The following TNR variants were observed in gnomAD, a reference collection of about 807,000 sequenced individuals.
The protein encoded by TNR is tenascin-R.
Under a neutral mutation model 150.4 loss-of-function variants are expected in TNR, and 45 were observed. The ratio of observed to expected loss-of-function variants is 0.30; its 90% confidence interval spans 0.24 to 0.38. The LOEUF (loss-of-function observed/expected upper bound fraction) is 0.38, where lower values mean the gene tolerates loss of function less well. Among genes scored for constraint, TNR ranks in the 10% least tolerant of loss-of-function variants. The pLI is 1.00. For synonymous variants in TNR, 687 were observed against 678.4 expected (o/e 1.01, Z -0.20); for missense variants, 1,544 against 1,759.1 (o/e 0.88, Z 2.19).
chr1:175,483,906 A>G (rs1289621824), intron 2 of TNR, among the ~76,000 whole-genome samples: 1 of 152,118 alleles, frequency 6.6e-6, no homozygotes, highest in Non-Finnish European at 1.5e-5. Flanking sequence ...ACACACACAC[A>G]TGACTGTCTT....
In TNR at chr1:175,323,432, G is replaced by C; in HGVS notation, c.4002C>G (p.Pro1334=). Residue 1334 remains proline (P), a synonymous_variant, in exon 23 of 23, where the codon CCC becomes CCG. Transcript: ENST00000367674. ...YHWKGHEFSI[P]FVEMKMRPYN... is the part of the protein sequence containing the mutation. Reference sequence around the variant, plus strand: ...AGGGGCGCATCTTCATTTCCACAAAGGGGATGGAGAACTCATGGCCTTTCC... The same window carrying C: ...AGGGGCGCATCTTCATTTCCACAAACGGGATGGAGAACTCATGGCCTTTCC... The C allele has an allele frequency of 6.2e-7, 1 of 1,614,118 alleles. No individual in the cohort carries two copies. Among genetic ancestry groups the C allele is most frequent in the Admixed American group, 1.7e-5 (1 of 60,018 alleles).
intron 1 of TNR, among the ~76,000 whole-genome samples, chr1:175,534,050 C>T (rs1233874184): frequency 6.6e-6 from 1 of 152,284 alleles, no homozygotes; most frequent in Middle Eastern, 3.4e-3. Flanking sequence ...TTAAATGTTG[C>T]CATAATGATA....
chr1:175,505,479 A>T (rs1658925640), intron 2 of TNR, among the ~76,000 whole-genome samples: 1 of 152,182 alleles, frequency 6.6e-6, no homozygotes. Context: ...AACCCGCCTC[A>T]CTACACCTAT....
rs775043609 is a variant in TNR at position 175,355,517 on chromosome 1, C to T, written c.3235G>A (p.Asp1079Asn). 14 of 1,613,752 alleles carry T rather than the reference C, an allele frequency of 8.7e-6. No individual in the cohort carries two copies. In the African/African-American group the frequency reaches 9.3e-5, roughly 11 times the overall value. The change falls in exon 17 of 23, where the codon GAT (aspartate) becomes AAT (asparagine). Residue 1079 changes from aspartate to asparagine, a missense_variant. Asp to Asn is a conservative substitution (Grantham distance 23). Coordinates refer to ENST00000367674, the MANE Select transcript of TNR (RefSeq NM_003285.3). Reference protein sequence around the residue: ...ENYVLTYKSTDGSRKELIVDA... With the variant: ...ENYVLTYKSTNGSRKELIVDA... ...CAAAATCTCACCTTGCGGCTTCCATCGGTGGATTTGTAGGTCAAGACATAA... is the reference window on the plus strand; with the variant it reads ...CAAAATCTCACCTTGCGGCTTCCATTGGTGGATTTGTAGGTCAAGACATAA...
intron 2 of TNR, among the ~76,000 whole-genome samples, chr1:175,452,703 T>A (rs1656381078): frequency 6.6e-6 from 1 of 151,996 alleles, no homozygotes; most frequent in Admixed American, 6.5e-5. Context: ...TGTAAGGGAG[T>A]AAAGAGTGAC....
intron 1 of TNR, among the ~76,000 whole-genome samples, chr1:175,705,591 GTA>G (rs1257718510): frequency 1.3e-5 from 2 of 152,058 alleles, no homozygotes; most frequent in East Asian, 1.9e-4. Context: ...ATGTATGTGT[GTA>G]TGTGTGTGTG....
chr1:175,406,193 C>T (rs530365666), intron 3 of TNR, 23 bp downstream of exon 3: 24 of 1,604,482 alleles, frequency 1.5e-5, no homozygotes, highest in Admixed American at 1.2e-4. Flanking sequence ...CCTGAGACCA[C>T]GCTGCGAGCT....
rs1464419575 is a variant in TNR at position 175,657,883 on chromosome 1, A to ATATATATATATATATATATATATG, written c.-165+85342_-165+85343insCATATATATATATATATATATATA. Among the ~76,000 whole-genome samples the ATATATATATATATATATATATATG allele has an allele frequency of 9.8e-4, 99 of 101,114 alleles. 6 individuals are homozygous for ATATATATATATATATATATATATG. The highest frequency in any genetic ancestry group is 1.5e-3 in the Non-Finnish European group (73 of 48,754). 66.3% of individuals were successfully genotyped at this position (101,114 alleles called of 152,430 possible). A position where few individuals can be genotyped will look rare whatever the true frequency, so the allele number is the denominator to read the frequency against. Reference sequence around the variant, plus strand: ...TATATATATATATATATATATATATATGTAACAAACCTGCACGTTGTGCAC... The same window carrying ATATATATATATATATATATATATG: ...TATATATATATATATATATATATATATATATATATATATATATATATATGTGTAACAAACCTGCACGTTGTGCAC... On this transcript the variant is annotated intron_variant, in intron 1 of 22. Coordinates refer to ENST00000367674, the MANE Select transcript of TNR (RefSeq NM_003285.3).
Position 175,646,469 on chromosome 1 carries a change from C to G in TNR, c.-165+96757G>C, listed in dbSNP as rs562173210. Among the ~76,000 whole-genome samples, 22 of 152,308 alleles carry G rather than the reference C, an allele frequency of 1.4e-4. No individual in the cohort carries two copies. In the South Asian group the frequency reaches 4.4e-3, roughly 30 times the overall value. On this transcript the variant is annotated intron_variant, in intron 1 of 22. Coordinates refer to ENST00000367674, the MANE Select transcript of TNR (RefSeq NM_003285.3). ...AAGCTTCATAAAGCTTCCAGCTTTACCATTAGAGACTCCCTCTTGTAGGCT... is the reference window on the plus strand; with the variant it reads ...AAGCTTCATAAAGCTTCCAGCTTTAGCATTAGAGACTCCCTCTTGTAGGCT...
At chr1:175,359,134 A>ATTTTTTTTTTTTTTT (rs1557883623) in intron 15 of TNR, among the ~76,000 whole-genome samples, 2 of 34,096 alleles carry the variant, frequency 5.9e-5, no homozygotes, top group Non-Finnish European at 1.4e-4. Context: ...GTTTGGGGAT[A>ATTTTTTTTTTTTTTT]TCTTCTTTTT....
At chr1:175,499,156 G>A (rs1658618009) in intron 2 of TNR, among the ~76,000 whole-genome samples, 1 of 152,164 alleles carries the variant, frequency 6.6e-6, no homozygotes, top group South Asian at 2.1e-4. Context: ...TTTATTGTCA[G>A]CTCTTCCTTT....
chr1:175,486,150 G>A lies in TNR; in HGVS notation c.-64+42119C>T, dbSNP rs577905546. On this transcript the variant is annotated intron_variant, in intron 2 of 22. Transcript: ENST00000367674. ...TTTTTTTTTTTAGATTATACTTTAAGTTCTGGGATACATGTGCAGAATGTG... is the reference window on the plus strand; with the variant it reads ...TTTTTTTTTTTAGATTATACTTTAAATTCTGGGATACATGTGCAGAATGTG... 3.3e-5 allele frequency among the ~76,000 whole-genome samples: 5 copies of A among 150,340 alleles called. No homozygotes were observed. The South Asian group carries it at 8.4e-4, about 25-fold the overall frequency.
At position 175,693,848 on chromosome 1, in the gene TNR, T is replaced by C. The variant is rs147822400; in HGVS notation, c.-165+49378A>G. 3.2e-4 allele frequency among the ~76,000 whole-genome samples: 48 copies of C among 152,348 alleles called. No homozygotes were observed. The East Asian group carries it at 8.9e-3, about 28-fold the overall frequency. On this transcript the variant is annotated intron_variant, in intron 1 of 22. Coordinates refer to ENST00000367674, the MANE Select transcript of TNR (RefSeq NM_003285.3). ...TGATGAGCAATAACTTTCTGTACAA[T>C]AAAATCATGGACCATGCTGAAGTAC...
intron 1 of TNR, among the ~76,000 whole-genome samples, chr1:175,569,601 C>G (rs1274096586): frequency 2.0e-5 from 3 of 152,216 alleles, no homozygotes; most frequent in Non-Finnish European, 2.9e-5. Flanking sequence ...GACCGGTACT[C>G]ATAGAACTGT....
At chr1:175,719,784 C>G (rs2101943104) in intron 1 of TNR, among the ~76,000 whole-genome samples, 1 of 152,268 alleles carries the variant, frequency 6.6e-6, no homozygotes, top group East Asian at 1.9e-4. Context: ...TACCTGCTGT[C>G]CCTTCCCTAC....
intron 1 of TNR, among the ~76,000 whole-genome samples, chr1:175,604,275 C>A (rs1663344655): frequency 6.6e-6 from 1 of 152,156 alleles, no homozygotes; most frequent in Non-Finnish European, 1.5e-5. Flanking sequence ...GGCCAGTGTT[C>A]AGGTGCAGTT....
At chr1:175,694,885 C>G (rs1471728890) in intron 1 of TNR, among the ~76,000 whole-genome samples, 1 of 152,208 alleles carries the variant, frequency 6.6e-6, no homozygotes, top group Non-Finnish European at 1.5e-5. Flanking sequence ...CCTCCAGTAC[C>G]ATGAGAAAGT....
At chr1:175,507,650 A>G (rs1023378248) in intron 2 of TNR, among the ~76,000 whole-genome samples, 1 of 151,920 alleles carries the variant, frequency 6.6e-6, no homozygotes, top group Non-Finnish European at 1.5e-5. Flanking sequence ...CCTCAGCCTC[A>G]CATGTTTTCC....
intron 1 of TNR, among the ~76,000 whole-genome samples, chr1:175,698,699 G>A (rs1165751330): frequency 6.6e-6 from 1 of 152,050 alleles, no homozygotes; most frequent in African/African-American, 2.4e-5. Flanking sequence ...AAATTAGCCG[G>A]GCATGGTGGC....
Sources: allele counts gnomAD v4.1 joint callset (sites outside exome capture counted in the v4.1 genomes callset), GRCh38; gene constraint gnomAD v4.1.1; transcripts MANE v1.5; gene names NCBI Gene and HGNC (gene_info 2026-07-23, HGNC 2026-07-21).